FRMPD1: variants seen among roughly 807,000 people sequenced by gnomAD.
The protein encoded by FRMPD1 is FERM and PDZ domain containing 1, also known as FERM and PDZ domain-containing protein 1.
A neutral mutation model predicts 117.8 loss-of-function variants in FRMPD1; 76 were observed. The ratio of observed to expected loss-of-function variants is 0.65; its 90% CI spans 0.54 to 0.78. The LOEUF (loss-of-function observed/expected upper bound fraction) is 0.78. Among genes scored for constraint, FRMPD1 ranks in the 30% least tolerant of loss-of-function variants. The pLI, the probability that FRMPD1 is intolerant of heterozygous loss-of-function variation, is 0.00. For synonymous variants in FRMPD1, 783 were observed against 770.4 expected, an observed-to-expected ratio of 1.02 and a Z score of -0.27; for missense variants, 1,786 against 1,964.5, an observed-to-expected ratio of 0.91 and a Z score of 1.72.
chr9:37,636,772 C>A, the FRMPD1 span: 1 of 1,608,086 alleles, frequency 6.2e-7, no homozygotes, highest in Non-Finnish European at 8.5e-7. Context: ...CTGCTCCGGG[C>A]CCCATCTGCT....
rs1057424509 is a variant in FRMPD1, at chr9:37,704,915, G to A, written c.102-2501G>A. Among the ~76,000 whole-genome samples, 59 of 151,542 alleles carry A rather than the reference G, an allele frequency of 3.9e-4. 1 individual carries two copies. The highest frequency in any genetic ancestry group is 1.3e-3 in the African/African-American group (54 of 41,310). The stretch of plus-strand genomic sequence containing the variant: ...TTGTGTTTTCCTTTATTGCTTTAAG[G>A]AAAGTTATATTATTTTCTTTAAATA... On this transcript the variant is annotated intron_variant, in intron 2 of 15. Coordinates refer to ENST00000377765, the MANE Select transcript of FRMPD1 (RefSeq NM_014907.3).
At position 37,740,866 on chromosome 9, in the gene FRMPD1, C is replaced by G; in HGVS notation, c.2338C>G (p.Pro780Ala). ...EYYDAADKLTPPGPPSGPRDV... is the reference protein window; with the variant it reads ...EYYDAADKLTAPGPPSGPRDV... ...CTATGACGCGGCTGATAAGCTCACTCCCCCAGGCCCCCCGTCAGGTGAGCC... is the reference window on the plus strand; with the variant it reads ...CTATGACGCGGCTGATAAGCTCACTGCCCCAGGCCCCCCGTCAGGTGAGCC... Residue 780 changes from proline (P) to alanine (A), a missense_variant, in exon 15 of 16, where the codon CCC (proline) becomes GCC (alanine). Transcript: ENST00000377765. This position sits in a 1 kb window ranked among gnomAD's most constrained non-coding sequence, Gnocchi z 4.2. 1 of 1,613,612 alleles carries G rather than the reference C, an allele frequency of 6.2e-7. No individual in the cohort carries two copies. The highest frequency in any genetic ancestry group is 1.3e-5 in the African/African-American group (1 of 75,052).
Position 37,745,903 on chromosome 9 carries a change from G to A in FRMPD1, c.3871G>A (p.Ala1291Thr), listed in dbSNP as rs548307853. The A allele has an allele frequency of 1.3e-5, 21 of 1,614,190 alleles. No individual in the cohort carries two copies. The South Asian group carries it at 2.1e-4, about 16-fold the overall frequency. Reference sequence around the variant, plus strand: ...TGACAGCTCTAGCATCTGCCTTTCTGCTGAGAAGTCTTTTCTGTGCTTTGC... The same window carrying A: ...TGACAGCTCTAGCATCTGCCTTTCTACTGAGAAGTCTTTTCTGTGCTTTGC... Reference protein sequence around the residue: ...KSDSSSICLSAEKSFLCFAPE... With the variant: ...KSDSSSICLSTEKSFLCFAPE... The change falls in exon 16 of 16, where the codon GCT becomes ACT. Residue 1291 changes from alanine (A) to threonine (T), a missense_variant. Coordinates refer to ENST00000377765, the MANE Select transcript of FRMPD1 (RefSeq NM_014907.3).
the FRMPD1 span, among the ~76,000 whole-genome samples, chr9:37,642,487 C>T: frequency 6.6e-6 from 1 of 152,062 alleles, no homozygotes; most frequent in African/African-American, 2.4e-5. Context: ...GAACATTTGG[C>T]CTTGGTTTTC....
intron 1 of FRMPD1, among the ~76,000 whole-genome samples, chr9:37,685,362 G>A (rs868326687): frequency 2.6e-5 from 4 of 151,866 alleles, no homozygotes; most frequent in South Asian, 2.1e-4. Flanking sequence ...TTTGCCTTTC[G>A]GCTGGGCGCA....
rs536591656 is a variant in FRMPD1, at chr9:37,665,493, A to G, written c.-5+14399A>G. Among the ~76,000 whole-genome samples the G allele has an allele frequency of 7.9e-5, 12 of 152,322 alleles. No homozygotes were observed. In the South Asian group the frequency reaches 2.3e-3, roughly 29 times the overall value. On this transcript the variant is annotated intron_variant, in intron 1 of 15. Coordinates refer to ENST00000377765, the MANE Select transcript of FRMPD1 (RefSeq NM_014907.3). ...GAGTGGTCTTAGGTCCATTTGTGTG[A>G]GTATATTTATAGAAGTGAAAGCTTT... is the stretch of plus-strand genomic sequence containing the variant.
chr9:37,742,277 C>T (rs983731906), intron 15 of FRMPD1, among the ~76,000 whole-genome samples: 2 of 152,242 alleles, frequency 1.3e-5, no homozygotes, highest in African/African-American at 4.8e-5. Context: ...CCTTGCCCTG[C>T]AGGGCCAGCC....
intron 2 of FRMPD1, among the ~76,000 whole-genome samples, chr9:37,704,241 A>T (rs1822624354): frequency 6.6e-6 from 1 of 152,206 alleles, no homozygotes; most frequent in Admixed American, 6.5e-5. Context: ...TCAAATTGAT[A>T]CGCGCTGTAA....
intron 2 of FRMPD1, among the ~76,000 whole-genome samples, chr9:37,706,654 T>TA (rs1411488265): frequency 1.3e-5 from 2 of 152,238 alleles, no homozygotes; most frequent in Non-Finnish European, 2.9e-5. Flanking sequence ...TTAAGGAACA[T>TA]ACATGTTTTA....
intron 1 of FRMPD1, among the ~76,000 whole-genome samples, chr9:37,675,080 G>A (rs1473075131): frequency 6.6e-6 from 1 of 152,144 alleles, no homozygotes; most frequent in Non-Finnish European, 1.5e-5. Flanking sequence ...GATTGGAAGA[G>A]GAGCAAGACT....
At chr9:37,639,428 T>C in the FRMPD1 span, among the ~76,000 whole-genome samples, 1 of 152,184 alleles carries the variant, frequency 6.6e-6, no homozygotes, top group South Asian at 2.1e-4. Flanking sequence ...TTGCTGTGGC[T>C]CTGCAGGACA....
chr9:37,731,980 G>C (rs1366611397), intron 9 of FRMPD1, among the ~76,000 whole-genome samples: 1 of 152,102 alleles, frequency 6.6e-6, no homozygotes. Flanking sequence ...TTACAGAAAT[G>C]GTGGCAGAAA....
chr9:37,644,357 C>T, the FRMPD1 span, among the ~76,000 whole-genome samples: 1 of 152,208 alleles, frequency 6.6e-6, no homozygotes, highest in African/African-American at 2.4e-5. Context: ...TCTCAGGCTC[C>T]TGGGCCTTTG....
intron 7 of FRMPD1, among the ~76,000 whole-genome samples, chr9:37,727,710 G>C (rs1032712179): frequency 1.3e-5 from 2 of 151,484 alleles, no homozygotes; most frequent in African/African-American, 4.8e-5. Flanking sequence ...GTAGTTATGG[G>C]GGGTGATGAA....
At chr9:37,705,594 T>C (rs1822674439) in intron 2 of FRMPD1, among the ~76,000 whole-genome samples, 1 of 152,150 alleles carries the variant, frequency 6.6e-6, no homozygotes, top group South Asian at 2.1e-4. Flanking sequence ...ACTGCACCTG[T>C]AATGTCAAAT....
intron 4 of FRMPD1, among the ~76,000 whole-genome samples, chr9:37,709,764 G>A (rs1822842010): frequency 6.6e-6 from 1 of 152,208 alleles, no homozygotes; most frequent in African/African-American, 2.4e-5. Context: ...AAGCAACTGG[G>A]TGGGAAGTAG....
At chr9:37,638,022 TTCTC>T in the FRMPD1 span, among the ~76,000 whole-genome samples, 9 of 81,022 alleles carry the variant, frequency 1.1e-4, no homozygotes, top group Admixed American at 8.2e-4. Context: ...CTTTCTTTCT[TTCTC>T]TCTCTTTCTT....
In FRMPD1 at chr9:37,696,051, CT is replaced by C. The variant is rs61521469; in HGVS notation, c.101+3333del. 8.2e-3 allele frequency among the ~76,000 whole-genome samples: 641 copies of C among 78,096 alleles called. 7 individuals are homozygous for C. Among genetic ancestry groups the C allele is most frequent in the African/African-American group, 0.025 (480 of 19,410 alleles). The allele number at this position is 78,096 out of a possible 152,430, so 51.2% of individuals were successfully genotyped here. A position where few individuals can be genotyped will look rare whatever the true frequency, so the allele number is the denominator to read the frequency against. On this transcript the variant is annotated intron_variant, in intron 2 of 15. Transcript: ENST00000377765. ...TTGCTCACCGTTCTCCATTGTTTTG[CT>C]TTTTTTTTTTTTTTTTTTTTTTTAA...
At chr9:37,719,839 G>A (rs930188686) in intron 6 of FRMPD1, among the ~76,000 whole-genome samples, 2 of 152,192 alleles carry the variant, frequency 1.3e-5, no homozygotes, top group Admixed American at 1.3e-4. Context: ...AATTTGTAAA[G>A]GGAAAATGTT....
Sources: gnomAD v4.1 joint callset for allele counts (sites outside exome capture counted in the v4.1 genomes callset) on GRCh38, gnomAD v4.1.1 for gene constraint, Gnocchi (gnomAD v3.1) non-coding constraint, MANE v1.5 for transcripts, NCBI Gene and HGNC (gene_info 2026-07-23, HGNC 2026-07-21) for gene names.